The following SFMBT2 variants were observed in gnomAD, a reference collection of about 807,000 sequenced individuals.
SFMBT2 encodes the protein Scm like with four mbt domains 2.
A neutral mutation model predicts 110.1 loss-of-function variants in SFMBT2; 38 were observed. The observed-to-expected ratio is 0.35, with a 90% CI of 0.27 to 0.45. SFMBT2 has a LOEUF of 0.45. SFMBT2 is among the 20% of genes least tolerant of loss of function. The probability of loss-of-function intolerance (pLI) is 1.00; values close to 1 mark genes in which losing one functional copy is unlikely to be tolerated. For synonymous variants in SFMBT2, 425 were observed against 425.4 expected, an observed-to-expected ratio of 1.00 and a Z score of 0.01; for missense variants, 1,011 against 1,094.9, an observed-to-expected ratio of 0.92 and a Z score of 1.08.
chr10:7,173,464 G>A (rs1837952387), intron 17 of SFMBT2, among the ~76,000 whole-genome samples: 1 of 152,166 alleles, frequency 6.6e-6, no homozygotes, highest in Admixed American at 6.5e-5. Context: ...AATTCACCAA[G>A]CACTTTTCCT....
At chr10:7,206,043 AAAAAACAAAAAC>A (rs139523212) in intron 11 of SFMBT2, 115 bp from the exon 12 acceptor site, 57 of 1,412,336 alleles carry the variant, frequency 4.0e-5, no homozygotes, top group Non-Finnish European at 4.9e-5. Flanking sequence ...TTTATACATT[AAAAAACAAAAAC>A]AAAAACAAAA....
intron 1 of SFMBT2, among the ~76,000 whole-genome samples, chr10:7,407,609 G>A (rs72775584): frequency 0.019 from 2,833 of 152,318 alleles, 42 homozygotes; most frequent in Non-Finnish European, 0.027. Context: ...TGGGGTGAGC[G>A]AGAAGTCGGG....
chr10:7,362,032 G>A (rs1588480832), intron 4 of SFMBT2, among the ~76,000 whole-genome samples: 1 of 152,116 alleles, frequency 6.6e-6, no homozygotes, highest in East Asian at 1.9e-4. Flanking sequence ...GCTGCCCCTT[G>A]CAAGCATTGC....
chr10:7,226,365 C>G (rs1839895680), intron 10 of SFMBT2, among the ~76,000 whole-genome samples: 1 of 152,246 alleles, frequency 6.6e-6, no homozygotes, highest in Non-Finnish European at 1.5e-5. Context: ...CCTCCAAACT[C>G]TGATTTTGAC....
Position 7,159,966 on chromosome 10 carries a change from G to C in SFMBT2, c.*3804C>G, listed in dbSNP as rs146331337. On this transcript the variant is annotated 3_prime_UTR_variant, in exon 21 of 21. Coordinates refer to ENST00000397167, the MANE Select transcript of SFMBT2 (RefSeq NM_001387889.1). The stretch of plus-strand genomic sequence containing the variant: ...AGGGAAACGACACCCATCTTCAAAA[G>C]GCTGATCAAAATCAACCTTCTAGAG... The C allele has an allele frequency of 6.6e-6, 1 of 152,168 alleles. No homozygotes were observed. Among genetic ancestry groups the C allele is most frequent in the Non-Finnish European group, 1.5e-5 (1 of 68,036 alleles). The allele number at this position is 152,168 out of a possible 1,614,324, so 9.4% of individuals were successfully genotyped here.
intron 1 of SFMBT2, among the ~76,000 whole-genome samples, chr10:7,399,141 C>T (rs1846003330): frequency 6.6e-6 from 1 of 152,338 alleles, no homozygotes; most frequent in Non-Finnish European, 1.5e-5. Flanking sequence ...GGGAAACCCT[C>T]GCCTGTGGAG....
intron 2 of SFMBT2, among the ~76,000 whole-genome samples, chr10:7,381,160 C>T (rs1311484770): frequency 6.6e-6 from 1 of 152,108 alleles, no homozygotes. Context: ...GGGAGCTGTT[C>T]TGTTTTTCAG....
intron 16 of SFMBT2, among the ~76,000 whole-genome samples, chr10:7,185,455 A>G (rs1349051360): frequency 6.6e-6 from 1 of 152,232 alleles, no homozygotes; most frequent in Non-Finnish European, 1.5e-5. Flanking sequence ...AAGGACAAAA[A>G]TTAAAGTCAA....
intron 11 of SFMBT2, among the ~76,000 whole-genome samples, chr10:7,218,611 T>C (rs1240467987): frequency 6.6e-6 from 1 of 152,240 alleles, no homozygotes; most frequent in Admixed American, 6.5e-5. Context: ...TTTTCATCAC[T>C]ACCCAATGAA....
intron 1 of SFMBT2, among the ~76,000 whole-genome samples, chr10:7,403,072 G>A (rs550119502): frequency 3.9e-5 from 6 of 152,184 alleles, no homozygotes; most frequent in East Asian, 3.9e-4. Flanking sequence ...CAGTTCATAC[G>A]ACAGTAAACA....
chr10:7,299,130 A>G lies in SFMBT2; in HGVS notation c.437-13176T>C, dbSNP rs1842489068. On this transcript the variant is annotated intron_variant, in intron 4 of 20. Transcript: ENST00000397167. Reference sequence around the variant, plus strand: ...TGACACTTATTCTAAAACCATAAAAACCCCGGAAGAAAACCTAGGCAATAC... The same window carrying G: ...TGACACTTATTCTAAAACCATAAAAGCCCCGGAAGAAAACCTAGGCAATAC... 1.3e-5 allele frequency among the ~76,000 whole-genome samples: 2 copies of G among 152,012 alleles called. 1 individual carries two copies. The highest frequency in any genetic ancestry group is 4.2e-4 in the South Asian group (2 of 4,812).
intron 7 of SFMBT2, among the ~76,000 whole-genome samples, chr10:7,267,670 T>C (rs1841438332): frequency 1.3e-5 from 2 of 152,228 alleles, no homozygotes; most frequent in Admixed American, 6.5e-5. Flanking sequence ...AGAAGTGCAG[T>C]TGTCTTATGC....
intron 9 of SFMBT2, among the ~76,000 whole-genome samples, chr10:7,241,767 T>TAAGC (rs1202645050): frequency 6.6e-6 from 1 of 152,212 alleles, no homozygotes; most frequent in East Asian, 1.9e-4. Flanking sequence ...AATGATCTTT[T>TAAGC]TATGTAATTC....
At chr10:7,356,523 C>A (rs1844520413) in intron 4 of SFMBT2, among the ~76,000 whole-genome samples, 1 of 152,234 alleles carries the variant, frequency 6.6e-6, no homozygotes, top group African/African-American at 2.4e-5. Context: ...TCAAGCAACT[C>A]TCCTGCCTCA....
At chr10:7,389,895 C>A (rs1845721007) in intron 1 of SFMBT2, among the ~76,000 whole-genome samples, 1 of 152,226 alleles carries the variant, frequency 6.6e-6, no homozygotes, top group Non-Finnish European at 1.5e-5. Context: ...CCTCTCAACC[C>A]TATCTTTCCT....
chr10:7,331,774 C>A (rs1281453337), intron 4 of SFMBT2, among the ~76,000 whole-genome samples: 1 of 152,076 alleles, frequency 6.6e-6, no homozygotes, highest in East Asian at 1.9e-4. Flanking sequence ...GAGGCCAAGG[C>A]AGGCGGTTCA....
intron 15 of SFMBT2, among the ~76,000 whole-genome samples, chr10:7,190,059 G>A (rs1234643229): frequency 1.3e-5 from 2 of 152,136 alleles, no homozygotes; most frequent in East Asian, 1.9e-4. Flanking sequence ...TACACTACGC[G>A]GTCAGCCCGG....
chr10:7,324,662 A>G (rs954075910), intron 4 of SFMBT2, among the ~76,000 whole-genome samples: 3 of 152,226 alleles, frequency 2.0e-5, no homozygotes, highest in African/African-American at 7.2e-5. Context: ...CTCCATCAGA[A>G]AAGCATAGAC....
intron 7 of SFMBT2, among the ~76,000 whole-genome samples, chr10:7,260,982 G>C (rs1841179433): frequency 6.6e-6 from 1 of 151,938 alleles, no homozygotes; most frequent in African/African-American, 2.4e-5. Context: ...GTGTGGCCTT[G>C]GGTTTGAGGT....
Sources: gnomAD v4.1 joint callset for allele counts (sites outside exome capture counted in the v4.1 genomes callset) on GRCh38, gnomAD v4.1.1 for gene constraint, MANE v1.5 for transcripts, NCBI Gene and HGNC (gene_info 2026-07-23, HGNC 2026-07-21) for gene names.